CYFIP1: variants seen among roughly 807,000 people sequenced by gnomAD.
CYFIP1 encodes the protein cytoplasmic FMR1-interacting protein 1.
In CYFIP1, 58 loss-of-function variants were observed where a neutral mutation model predicts 163.5. That is an observed-to-expected ratio of 0.35 (90% CI 0.29 to 0.44). The LOEUF (loss-of-function observed/expected upper bound fraction) is 0.44, where lower values mean the gene tolerates loss of function less well. Ranked by LOEUF, CYFIP1 falls within the 20% of genes least tolerant of loss-of-function variation. The pLI, the probability that CYFIP1 is intolerant of heterozygous loss-of-function variation, is 1.00. For missense variants in CYFIP1, 1,338 were observed against 1,653.8 expected, an observed-to-expected ratio of 0.81 and a Z score of 3.31; for synonymous variants, 663 against 660.7, an observed-to-expected ratio of 1.00 and a Z score of -0.05.
intron 1 of CYFIP1, among the ~76,000 whole-genome samples, chr15:22,975,139 T>C (rs1364146406): frequency 6.6e-6 from 1 of 152,218 alleles, no homozygotes; most frequent in African/African-American, 2.4e-5. Flanking sequence ...GTAATACATA[T>C]AACTTACAAA....
rs550155703 is a variant in CYFIP1, at chr15:22,915,353, G to A, written c.1829-471C>T. ...TTGCCCAGGCTGGTCTCAAACTCCC[G>A]AATTCAAGTGATTCTCCTGCCTTGG... is the stretch of plus-strand genomic sequence containing the variant. On this transcript the variant is annotated intron_variant, in intron 16 of 30. Transcript: ENST00000617928. Among the ~76,000 whole-genome samples the A allele has an allele frequency of 9.2e-5, 14 of 151,968 alleles. No homozygotes were observed. The South Asian group carries it at 1.0e-3, about 11-fold the overall frequency.
intron 9 of CYFIP1, among the ~76,000 whole-genome samples, chr15:22,935,432 G>T (rs968192915): frequency 6.6e-6 from 1 of 152,174 alleles, no homozygotes; most frequent in Non-Finnish European, 1.5e-5. Context: ...GTTCCAGGGG[G>T]ATTAGATCTA....
intron 1 of CYFIP1, among the ~76,000 whole-genome samples, chr15:22,973,629 A>C (rs2063173483): frequency 6.6e-6 from 1 of 152,164 alleles, no homozygotes; most frequent in Non-Finnish European, 1.5e-5. Flanking sequence ...GAGATCGTGC[A>C]GTACTTGTCT....
At position 22,944,611 on chromosome 15, in the gene CYFIP1, C is replaced by A. The variant is rs1177265691; in HGVS notation, c.334G>T (p.Val112Leu). The A allele has an allele frequency of 6.2e-7, 1 of 1,613,900 alleles. No individual in the cohort carries two copies. Among genetic ancestry groups the A allele is most frequent in the Non-Finnish European group, 8.5e-7 (1 of 1,179,852 alleles). ...PNRVEIYEKT[V>L]EVLEPEVTKL... ...GTGACCTCAGGCTCCAGAACCTCCACGGTTTTCTCGTAGATTTCCACTCTG... is the reference window on the plus strand; with the variant it reads ...GTGACCTCAGGCTCCAGAACCTCCAAGGTTTTCTCGTAGATTTCCACTCTG... The change falls in exon 5 of 31, where the codon GTG (valine) becomes TTG (leucine). Residue 112 changes from valine to leucine, a missense_variant. Physicochemically the swap from Val to Leu is conservative, Grantham distance 32 (BLOSUM62 1). This residue lies in a region of CYFIP1 where 186 missense variants were observed against 288.3 expected (regional missense o/e 0.65). Coordinates refer to ENST00000617928, the MANE Select transcript of CYFIP1 (RefSeq NM_014608.6).
chr15:22,926,497 C>T (rs1039575878), intron 12 of CYFIP1, among the ~76,000 whole-genome samples: 1 of 152,036 alleles, frequency 6.6e-6, no homozygotes, highest in African/African-American at 2.4e-5. Flanking sequence ...TATAGTGAGG[C>T]CTCATCTCTA....
chr15:22,962,825 G>A (rs1277431966), intron 1 of CYFIP1, among the ~76,000 whole-genome samples: 2 of 152,142 alleles, frequency 1.3e-5, no homozygotes, highest in African/African-American at 4.8e-5. Context: ...ACGCATGCAC[G>A]CTGCCAGGCG....
At chr15:22,961,024 ATATTT>A (rs1212154166) in intron 1 of CYFIP1, among the ~76,000 whole-genome samples, 2 of 147,362 alleles carry the variant, frequency 1.4e-5, no homozygotes, top group South Asian at 2.2e-4. Flanking sequence ...TTATTTATTT[ATATTT>A]TATTTATTTT....
intron 22 of CYFIP1, among the ~76,000 whole-genome samples, chr15:22,894,677 G>A (rs371650237): frequency 6.6e-6 from 1 of 151,506 alleles, no homozygotes; most frequent in African/African-American, 2.4e-5. Flanking sequence ...TTAGAAAGCA[G>A]GCCTTAATTT....
intron 22 of CYFIP1, among the ~76,000 whole-genome samples, chr15:22,900,215 G>A (rs1340293512): frequency 1.3e-5 from 2 of 151,932 alleles, no homozygotes; most frequent in Non-Finnish European, 1.5e-5. Context: ...AGACACACAG[G>A]GACAGTGGCA....
intron 12 of CYFIP1, among the ~76,000 whole-genome samples, chr15:22,927,348 G>C (rs574464745): frequency 6.6e-6 from 1 of 152,086 alleles, no homozygotes; most frequent in East Asian, 1.9e-4. Context: ...CAGAAGTGGT[G>C]GTGGGCGCCT....
intron 8 of CYFIP1, 58 bp downstream of exon 8, chr15:22,939,134 T>C (rs2061811482): frequency 1.2e-6 from 2 of 1,602,854 alleles, no homozygotes; most frequent in South Asian, 2.2e-5. Flanking sequence ...CACAGCCTAT[T>C]GACAAGAGTA....
intron 1 of CYFIP1, among the ~76,000 whole-genome samples, chr15:22,963,692 C>T (rs1168362305): frequency 3.9e-5 from 6 of 152,154 alleles, no homozygotes. Context: ...TGGCCCCGGG[C>T]AGGCTGGACG....
intron 21 of CYFIP1, 172 bp from the exon 22 acceptor site, chr15:22,904,077 C>T: frequency 1.6e-6 from 1 of 634,892 alleles, no homozygotes; most frequent in Non-Finnish European, 2.8e-6. Flanking sequence ...TGGCACCCCA[C>T]CTTTTCAGTC....
intron 3 of CYFIP1, 141 bp from the exon 4 acceptor site, chr15:22,945,080 C>G: frequency 1.2e-6 from 1 of 825,286 alleles, no homozygotes; most frequent in Non-Finnish European, 2.1e-6. Context: ...CTGCCAGAAG[C>G]TAGTGACACT....
chr15:22,877,644 T>C (rs543809343), intron 26 of CYFIP1, among the ~76,000 whole-genome samples: 1 of 152,322 alleles, frequency 6.6e-6, no homozygotes, highest in South Asian at 2.1e-4. Context: ...CTTGCTGGTC[T>C]GAGACACTGG....
chr15:22,892,872 G>T lies in CYFIP1; in HGVS notation c.2676+18C>A. ...ATTATGAGCTTCAAGCTCGTAACAC[G>T]AACACATTGGAGCCTACCTTGGATC... is the stretch of plus-strand genomic sequence containing the variant. On this transcript the variant is annotated intron_variant, in intron 23 of 30. Coordinates refer to ENST00000617928, the MANE Select transcript of CYFIP1 (RefSeq NM_014608.6). 1 of 1,586,706 alleles carries T rather than the reference G, an allele frequency of 6.3e-7. No individual in the cohort carries two copies. The highest frequency in any genetic ancestry group is 8.6e-7 in the Non-Finnish European group (1 of 1,156,798).
At chr15:22,948,990 T>TA (rs1475309631) in intron 1 of CYFIP1, among the ~76,000 whole-genome samples, 4 of 148,724 alleles carry the variant, frequency 2.7e-5, no homozygotes, top group Non-Finnish European at 6.0e-5. Context: ...AACCAAGCAG[T>TA]GATGAAAAAC....
chr15:22,909,840 A>G (rs2060723590), intron 20 of CYFIP1, among the ~76,000 whole-genome samples: 1 of 152,180 alleles, frequency 6.6e-6, no homozygotes, highest in African/African-American at 2.4e-5. Context: ...GCTGTAAAAA[A>G]TAAGCACTGT....
At chr15:22,938,570 A>G (rs1407323051) in intron 8 of CYFIP1, among the ~76,000 whole-genome samples, 4 of 152,150 alleles carry the variant, frequency 2.6e-5, no homozygotes, top group African/African-American at 4.8e-5. Flanking sequence ...GCACCATTGC[A>G]CTGGAGCCTG....
Sources: allele counts gnomAD v4.1 joint callset (sites outside exome capture counted in the v4.1 genomes callset), GRCh38; gene constraint gnomAD v4.1.1; regional missense constraint gnomAD v4.1.1; transcripts MANE v1.5; gene names NCBI Gene and HGNC (gene_info 2026-07-23, HGNC 2026-07-21).